Variants in ELP4 observed in about 807,000 individuals in gnomAD.
ELP4 encodes elongator acetyltransferase complex subunit 4.
Under a neutral mutation model 48.9 loss-of-function variants are expected in ELP4, and 51 were observed. The observed-to-expected ratio is 1.04, with a 90% CI of 0.83 to 1.32. The LOEUF is 1.32. ELP4 is among the 40% of genes most tolerant of loss of function. The probability of loss-of-function intolerance (pLI) is 0.00; values close to 1 mark genes in which losing one functional copy is unlikely to be tolerated. For synonymous variants in ELP4, 210 were observed against 189.2 expected, an observed-to-expected ratio of 1.11 and a Z score of -0.90; for missense variants, 519 against 514.6, an observed-to-expected ratio of 1.01 and a Z score of -0.08.
intron 9 of ELP4, among the ~76,000 whole-genome samples, chr11:31,775,650 C>G (rs1188876338): frequency 2.6e-5 from 4 of 152,034 alleles, no homozygotes; most frequent in Admixed American, 2.6e-4. Flanking sequence ...GCCTGGACAA[C>G]ATAGTGTGAC....
intron 9 of ELP4, chr11:31,652,168 T>C (rs1398331309): frequency 6.6e-6 from 1 of 151,756 alleles, no homozygotes; most frequent in Non-Finnish European, 1.5e-5. Flanking sequence ...AAATTCTATA[T>C]ACTCAAACTC....
chr11:31,602,855 A>G (rs1413286976), intron 4 of ELP4, among the ~76,000 whole-genome samples: 1 of 152,010 alleles, frequency 6.6e-6, no homozygotes, highest in East Asian at 1.9e-4. Context: ...AGTAGATCTG[A>G]AATCTTTTAT....
At chr11:31,711,361 C>G (rs1946740065) in intron 9 of ELP4, among the ~76,000 whole-genome samples, 2 of 152,074 alleles carry the variant, frequency 1.3e-5, no homozygotes, top group African/African-American at 4.8e-5. Flanking sequence ...CGGCTTCTGA[C>G]AGCAGTATAA....
At chr11:31,624,769 TTATTCTATATGC>T (rs1944703130) in intron 5 of ELP4, among the ~76,000 whole-genome samples, 1 of 151,818 alleles carries the variant, frequency 6.6e-6, no homozygotes, top group South Asian at 2.1e-4. Flanking sequence ...CTTTATATTC[TTATTCTATATGC>T]TATTTTTAAT....
chr11:31,700,090 G>A (rs1313759110), intron 9 of ELP4, among the ~76,000 whole-genome samples: 2 of 152,042 alleles, frequency 1.3e-5, no homozygotes, highest in African/African-American at 2.4e-5. Context: ...TGATTCTGTA[G>A]AAGAATGTCC....
intron 9 of ELP4, among the ~76,000 whole-genome samples, chr11:31,709,084 A>G (rs1946689321): frequency 1.3e-5 from 2 of 152,124 alleles, no homozygotes; most frequent in Admixed American, 6.6e-5. Flanking sequence ...CAACTCTCTG[A>G]TCTATACATC....
chr11:31,704,014 A>C (rs1946578633), intron 9 of ELP4, among the ~76,000 whole-genome samples: 1 of 152,184 alleles, frequency 6.6e-6, no homozygotes, highest in African/African-American at 2.4e-5. Context: ...GATAGTAACA[A>C]TATTGTAAAG....
intron 3 of ELP4, among the ~76,000 whole-genome samples, chr11:31,590,844 T>C (rs895019560): frequency 6.6e-6 from 1 of 152,140 alleles, no homozygotes. Context: ...TGTTAAACCA[T>C]TCATGAGCAA....
At chr11:31,529,097 G>A (rs1182674601) in intron 2 of ELP4, among the ~76,000 whole-genome samples, 1 of 150,320 alleles carries the variant, frequency 6.7e-6, no homozygotes, top group African/African-American at 2.4e-5. Context: ...CAGCCTGCGT[G>A]AGAGTGAGAC....
chr11:31,510,271 A>T (rs1034169174), intron 1 of ELP4: 72 of 557,386 alleles, frequency 1.3e-4, no homozygotes, highest in Admixed American at 6.0e-4. Context: ...GAATTCGTAC[A>T]TGCTTTTTAC....
intron 3 of ELP4, among the ~76,000 whole-genome samples, chr11:31,548,662 G>A (rs1315130506): frequency 6.6e-6 from 1 of 152,122 alleles, no homozygotes; most frequent in African/African-American, 2.4e-5. Flanking sequence ...AACCAAAAAA[G>A]AGCCCGCATG....
At chr11:31,646,087 C>T (rs920827189) in intron 7 of ELP4, 9 of 151,730 alleles carry the variant, frequency 5.9e-5, no homozygotes, top group African/African-American at 2.2e-4. Context: ...CCTCTGAAGC[C>T]CCTGTTATTC....
chr11:31,591,505 TCA>T (rs1957575573), intron 3 of ELP4, among the ~76,000 whole-genome samples: 1 of 150,990 alleles, frequency 6.6e-6, no homozygotes, highest in South Asian at 2.1e-4. Flanking sequence ...GAAGTTATGC[TCA>T]GTATCATTGT....
chr11:31,537,899 C>T (rs1180600552), intron 2 of ELP4, among the ~76,000 whole-genome samples: 2 of 152,132 alleles, frequency 1.3e-5, no homozygotes, highest in Non-Finnish European at 2.9e-5. Context: ...ATTACCTTGT[C>T]AGTTTCTCCA....
At chr11:31,714,179 G>A (rs887178683) in intron 9 of ELP4, among the ~76,000 whole-genome samples, 3 of 152,104 alleles carry the variant, frequency 2.0e-5, no homozygotes, top group Non-Finnish European at 4.4e-5. Flanking sequence ...ATACATTTTA[G>A]TAACAGTTAG....
intron 5 of ELP4, among the ~76,000 whole-genome samples, chr11:31,604,392 C>G (rs1957834490): frequency 6.6e-6 from 1 of 151,724 alleles, no homozygotes; most frequent in Non-Finnish European, 1.5e-5. Context: ...ATTTCTGGCT[C>G]TGCTGTAAAT....
At chr11:31,738,337 C>T (rs1052295847) in intron 9 of ELP4, among the ~76,000 whole-genome samples, 4 of 151,186 alleles carry the variant, frequency 2.6e-5, no homozygotes, top group African/African-American at 7.3e-5. Context: ...TTGCTTGGGC[C>T]GTGGTTCAAG....
intron 2 of ELP4, among the ~76,000 whole-genome samples, chr11:31,530,609 A>G (rs1329913876): frequency 6.6e-6 from 1 of 152,166 alleles, no homozygotes; most frequent in Admixed American, 6.5e-5. Flanking sequence ...GGATTTTTGT[A>G]TTAAGAAAAA....
intron 2 of ELP4, among the ~76,000 whole-genome samples, chr11:31,538,396 T>G (rs1956538140): frequency 6.7e-6 from 1 of 148,282 alleles, no homozygotes; most frequent in South Asian, 2.1e-4. Context: ...TATTGTATTA[T>G]GTATTATATA....
Sources: allele counts gnomAD v4.1 joint callset (sites outside exome capture counted in the v4.1 genomes callset), GRCh38; gene constraint gnomAD v4.1.1; transcripts MANE v1.5; gene names NCBI Gene and HGNC (gene_info 2026-07-23, HGNC 2026-07-21).